The following ADGRF1 variants were observed in gnomAD, a reference collection of about 807,000 sequenced individuals.
ADGRF1 encodes G protein-coupled receptor 110.
In ADGRF1, 85 loss-of-function variants were observed where a neutral mutation model predicts 87.2. The ratio of observed to expected loss-of-function variants is 0.97; its 90% CI spans 0.82 to 1.17. ADGRF1 has a LOEUF of 1.17. Ranked by LOEUF, ADGRF1 falls within the 50% of genes most tolerant of loss-of-function variation. ADGRF1 has a pLI of 0.00. For missense variants in ADGRF1, 1,169 were observed against 1,077.2 expected (o/e 1.09, Z -1.19); for synonymous variants, 430 against 408.8 (o/e 1.05, Z -0.63).
intron 7 of ADGRF1, chr6:47,020,367 G>T: frequency 1.3e-6 from 1 of 797,280 alleles, no homozygotes; most frequent in Non-Finnish European, 1.9e-6. Flanking sequence ...GTGGTGGCAG[G>T]TGTCTGTAAT....
chr6:47,022,999 A>G (rs1780112864), intron 5 of ADGRF1, among the ~76,000 whole-genome samples: 1 of 151,502 alleles, frequency 6.6e-6, no homozygotes, highest in South Asian at 2.1e-4. Flanking sequence ...TTTTGTAGAG[A>G]TGCATTTTTG....
In ADGRF1 at chr6:47,014,812, A is replaced by G; in HGVS notation, c.796T>C (p.Ser266Pro). Residue 266 changes from serine (S) to proline (P), a missense_variant, in exon 9 of 15, where the codon TCC becomes CCC. Physicochemically the swap from Ser to Pro is moderately conservative, Grantham distance 74 (BLOSUM62 -1). Transcript: ENST00000371253. ...QCNDIVFGFG[S>P]KDDEYTLPCS... is the part of the protein sequence containing the mutation. ...GGCAGGGTATATTCATCATCCTTGG[A>G]CCCAAATCCAAAGACAATGTCATTA... 1 of 1,611,978 alleles carries G rather than the reference A, an allele frequency of 6.2e-7. No individual in the cohort carries two copies. The highest frequency in any genetic ancestry group is 8.5e-7 in the Non-Finnish European group (1 of 1,178,868).
chr6:47,040,716 T>G (rs1780718031), intron 1 of ADGRF1, among the ~76,000 whole-genome samples: 1 of 152,154 alleles, frequency 6.6e-6, no homozygotes, highest in South Asian at 2.1e-4. Context: ...TCCTGCCAGT[T>G]TTTACTTTAC....
At chr6:47,039,814 T>C (rs1582200141) in intron 1 of ADGRF1, among the ~76,000 whole-genome samples, 3 of 152,060 alleles carry the variant, frequency 2.0e-5, no homozygotes, top group Middle Eastern at 6.8e-3. Context: ...ATACAAAAAT[T>C]AGCCAGGCGT....
intron 7 of ADGRF1, chr6:47,020,406 GA>G (rs1291478998): frequency 9.1e-6 from 8 of 876,438 alleles, no homozygotes; most frequent in Non-Finnish European, 1.4e-5. Flanking sequence ...TGAGGCAGGG[GA>G]ATCTCTTGAA....
intron 14 of ADGRF1, among the ~76,000 whole-genome samples, chr6:47,000,913 G>T (rs1167533566): frequency 2.6e-5 from 4 of 152,192 alleles, no homozygotes; most frequent in African/African-American, 9.7e-5. Context: ...CTCCAAGAAT[G>T]CTGTGGCTAC....
Position 47,000,289 on chromosome 6 carries a change from T to A in ADGRF1, c.2666A>T (p.Tyr889Phe), listed in dbSNP as rs1349028917. The change falls in exon 15 of 15, where the codon TAT (tyrosine) becomes TTT (phenylalanine). Residue 889 changes from tyrosine (Y) to phenylalanine (F), a missense_variant. Physicochemically the swap from Tyr to Phe is conservative, Grantham distance 22. Transcript: ENST00000371253. ...PFNPLQNKGH[Y>F]AFSHTGDSSD... ...GGAATCTCCAGTATGAGAAAATGCA[T>A]AATGGCCTGAAGGGGAAAAAAAAAG... The A allele has an allele frequency of 6.3e-7, 1 of 1,597,546 alleles. No homozygotes were observed.
At chr6:47,040,396 C>T (rs985667566) in intron 1 of ADGRF1, among the ~76,000 whole-genome samples, 1 of 152,024 alleles carries the variant, frequency 6.6e-6, no homozygotes, top group Non-Finnish European at 1.5e-5. Flanking sequence ...GGCGTGAACC[C>T]GGGAGGTGGA....
intron 1 of ADGRF1, among the ~76,000 whole-genome samples, chr6:47,031,809 C>T (rs9463282): frequency 0.099 from 15,125 of 152,082 alleles, 1,766 homozygotes; most frequent in African/African-American, 0.27. Flanking sequence ...TCACTGCAGC[C>T]TTGACCTCCT....
Position 47,009,995 on chromosome 6 carries a change from G to A in ADGRF1, c.1440C>T (p.Ile480=). 6.2e-7 allele frequency: 1 copy of A among 1,614,160 alleles called. No homozygotes were observed. Among genetic ancestry groups the A allele is most frequent in the Non-Finnish European group, 8.5e-7 (1 of 1,180,004 alleles). ...QFQRSLPETI[I]SMASLTLGNI... is the part of the protein sequence containing the mutation. ...TCCCCAGAGTCAACGAGGCCATGCT[G>A]ATAATAGTTTCTGGAAGGGATCTCT... Residue 480 remains isoleucine, a synonymous_variant, in exon 11 of 15, where the codon ATC becomes ATT. Transcript: ENST00000371253.
Position 47,008,885 on chromosome 6 carries a change from T to A in ADGRF1, c.2490+60A>T. ...AATCTCCAGAGTGGTTTTACCTGCCTGAGTTCTCTACTTATTCCAATCACT... is the reference window on the plus strand; with the variant it reads ...AATCTCCAGAGTGGTTTTACCTGCCAGAGTTCTCTACTTATTCCAATCACT... On this transcript the variant is annotated intron_variant, in intron 11 of 14. Transcript: ENST00000371253. 2.0e-6 allele frequency: 3 copies of A among 1,471,130 alleles called. No homozygotes were observed. In the South Asian group the frequency reaches 4.3e-5, roughly 21 times the overall value. The allele number at this position is 1,471,130 out of a possible 1,614,324, so 91.1% of individuals were successfully genotyped here.
Position 47,005,802 on chromosome 6 carries a change from G to A in ADGRF1, c.2592+15C>T. ...AACTTCATGTATTGGATTCATGGCA[G>A]TAGGAGATAATTACCTTTTCTGTTT... On this transcript the variant is annotated intron_variant, in intron 13 of 14. Coordinates refer to ENST00000371253, the MANE Select transcript of ADGRF1 (RefSeq NM_153840.4). 1 of 1,596,090 alleles carries A rather than the reference G, an allele frequency of 6.3e-7. No individual in the cohort carries two copies. The highest frequency in any genetic ancestry group is 8.6e-7 in the Non-Finnish European group (1 of 1,166,008).
chr6:47,001,027 A>G (rs1307628788), intron 14 of ADGRF1, among the ~76,000 whole-genome samples: 2 of 152,244 alleles, frequency 1.3e-5, no homozygotes, highest in African/African-American at 4.8e-5. Flanking sequence ...TGGAGGAGAC[A>G]GTGCTCTTTC....
intron 13 of ADGRF1, among the ~76,000 whole-genome samples, chr6:47,003,919 G>A (rs1470312352): frequency 2.6e-5 from 4 of 152,128 alleles, no homozygotes; most frequent in Non-Finnish European, 4.4e-5. Context: ...ATTTATACAT[G>A]TTGCTCCTCC....
intron 9 of ADGRF1, chr6:47,013,637 G>A (rs1342054873): frequency 2.0e-6 from 2 of 985,270 alleles, no homozygotes; most frequent in African/African-American, 1.7e-5. Flanking sequence ...CTTCCTAAGA[G>A]AGCATCATGT....
At chr6:47,014,882 A>G (rs1582156142) in intron 8 of ADGRF1, 38 bp from the exon 9 acceptor site, 1 of 1,563,920 alleles carries the variant, frequency 6.4e-7, no homozygotes, top group Non-Finnish European at 8.7e-7. Flanking sequence ...AAATGATCCT[A>G]GAATATCCTG....
At chr6:47,019,092 A>G (rs1779962163) in intron 7 of ADGRF1, 1 of 195,162 alleles carries the variant, frequency 5.1e-6, no homozygotes, top group Non-Finnish European at 9.3e-6. Context: ...ATGAAACAGA[A>G]CAAAAGTAAA....
intron 1 of ADGRF1, among the ~76,000 whole-genome samples, chr6:47,041,555 A>C (rs1427893237): frequency 1.3e-5 from 2 of 152,316 alleles, no homozygotes; most frequent in East Asian, 3.9e-4. Flanking sequence ...AGAGAAAAGA[A>C]AAATTATATA....
chr6:47,018,512 A>C (rs1306358647), intron 7 of ADGRF1: 3 of 1,289,686 alleles, frequency 2.3e-6, no homozygotes, highest in African/African-American at 3.0e-5. Context: ...TATTGATTAC[A>C]GAGTATTTTC....
Sources: gnomAD v4.1 joint callset for allele counts (sites outside exome capture counted in the v4.1 genomes callset) on GRCh38, gnomAD v4.1.1 for gene constraint, MANE v1.5 for transcripts, NCBI Gene and HGNC (gene_info 2026-07-23, HGNC 2026-07-21) for gene names.